Variants in GTF2F2 observed in about 807,000 individuals in gnomAD.
GTF2F2 encodes general transcription factor IIF subunit 2, also known as ATP-dependent helicase GTF2F2.
A neutral mutation model predicts 42.2 loss-of-function variants in GTF2F2; 23 were observed. That is an observed-to-expected ratio of 0.55 (90% CI 0.39 to 0.77). The LOEUF is 0.77. GTF2F2 is among the 30% of genes least tolerant of loss of function. The pLI is 0.00. For missense variants in GTF2F2, 261 were observed against 287.2 expected, an observed-to-expected ratio of 0.91 and a Z score of 0.66; for synonymous variants, 105 against 100.8, an observed-to-expected ratio of 1.04 and a Z score of -0.25.
chr13:45,120,768 A>G (rs779086896), intron 1 of GTF2F2, 47 bp downstream of exon 1: 17 of 1,376,466 alleles, frequency 1.2e-5, no homozygotes, highest in Middle Eastern at 3.5e-4. Context: ...ACACAAGTAT[A>G]GTTTAAGTAA....
At chr13:45,246,995 C>A (rs1046151929) in intron 5 of GTF2F2, among the ~76,000 whole-genome samples, 1 of 148,734 alleles carries the variant, frequency 6.7e-6, no homozygotes, top group East Asian at 2.0e-4. Flanking sequence ...CCGAGATAAG[C>A]GCCACTGCAC....
At chr13:45,194,072 A>T (rs756788877) in intron 4 of GTF2F2, 4 of 1,614,002 alleles carry the variant, frequency 2.5e-6, no homozygotes, top group African/African-American at 2.7e-5. Flanking sequence ...TTTATTTTTG[A>T]TATGAAATCA....
chr13:45,141,397 A>G (rs1404455376), intron 2 of GTF2F2, among the ~76,000 whole-genome samples: 1 of 152,186 alleles, frequency 6.6e-6, no homozygotes, highest in Non-Finnish European at 1.5e-5. Context: ...TAATCCACAT[A>G]GGGTGGCTAA....
At position 45,193,782 on chromosome 13, in the gene GTF2F2, A is replaced by G. The variant is rs1260489312; in HGVS notation, c.305-13642A>G. ...TGCTTGTTGCCTTTGTTCGTGACACAGGTAATTACTTGATAAAATGAAGTG... is the reference window on the plus strand; with the variant it reads ...TGCTTGTTGCCTTTGTTCGTGACACGGGTAATTACTTGATAAAATGAAGTG... On this transcript the variant is annotated intron_variant, in intron 4 of 7. Transcript: ENST00000340473. The G allele has an allele frequency of 4.5e-6, 7 of 1,562,980 alleles. No homozygotes were observed. In the African/African-American group the frequency reaches 5.5e-5, roughly 12 times the overall value.
intron 1 of GTF2F2, among the ~76,000 whole-genome samples, chr13:45,134,837 T>C (rs997189783): frequency 6.6e-6 from 1 of 152,144 alleles, no homozygotes; most frequent in Non-Finnish European, 1.5e-5. Context: ...CCTCTGAACC[T>C]CAGTTTTCTC....
At chr13:45,221,441 A>T (rs1874111508) in intron 5 of GTF2F2, among the ~76,000 whole-genome samples, 1 of 152,156 alleles carries the variant, frequency 6.6e-6, no homozygotes, top group African/African-American at 2.4e-5. Flanking sequence ...AAATTTCAAA[A>T]AGACCACTGA....
At chr13:45,123,665 C>T (rs1868807081) in intron 1 of GTF2F2, among the ~76,000 whole-genome samples, 1 of 150,690 alleles carries the variant, frequency 6.6e-6, no homozygotes, top group Admixed American at 6.6e-5. Context: ...AACCTACGGG[C>T]AGGACTGGGG....
At chr13:45,157,828 C>T (rs1427174613) in intron 4 of GTF2F2, among the ~76,000 whole-genome samples, 1 of 152,108 alleles carries the variant, frequency 6.6e-6, no homozygotes, top group East Asian at 1.9e-4. Flanking sequence ...AAGCTGTCCA[C>T]CTGCCTCGGC....
At chr13:45,194,482 T>C (rs1872791666) in intron 4 of GTF2F2, 1 of 1,614,060 alleles carries the variant, frequency 6.2e-7, no homozygotes, top group African/African-American at 1.3e-5. Context: ...GGATTTGCAG[T>C]TCTTTCCTTG....
chr13:45,162,370 A>G (rs1266044168), intron 4 of GTF2F2, among the ~76,000 whole-genome samples: 1 of 152,208 alleles, frequency 6.6e-6, no homozygotes. Context: ...TACTCCTTTG[A>G]GTAACAGCCT....
rs1264204159 is a variant in GTF2F2 at position 45,241,576 on chromosome 13, A to G, written c.387-11295A>G. ...ATTTATTTTTAATTAATTTAAATAG[A>G]CACGGCTAGTGGCTACCATATTGGA... On this transcript the variant is annotated intron_variant, in intron 5 of 7. Coordinates refer to ENST00000340473, the MANE Select transcript of GTF2F2 (RefSeq NM_004128.3). 5.3e-5 allele frequency among the ~76,000 whole-genome samples: 7 copies of G among 131,140 alleles called. 1 individual carries two copies. In the South Asian group the frequency reaches 1.5e-3, roughly 28 times the overall value. The allele number at this position is 131,140 out of a possible 152,430, so 86.0% of individuals were successfully genotyped here. A position where few individuals can be genotyped will look rare whatever the true frequency, so the allele number is the denominator to read the frequency against.
intron 1 of GTF2F2, among the ~76,000 whole-genome samples, chr13:45,129,489 C>T (rs904765816): frequency 3.3e-5 from 5 of 152,048 alleles, no homozygotes; most frequent in East Asian, 1.9e-4. Flanking sequence ...GGATTACAGG[C>T]GTGAGCCACC....
intron 7 of GTF2F2, among the ~76,000 whole-genome samples, chr13:45,275,549 G>A (rs968248412): frequency 8.1e-5 from 12 of 148,102 alleles, no homozygotes; most frequent in African/African-American, 2.0e-4. Flanking sequence ...GAGAACATGC[G>A]GTATTTGGTT....
chr13:45,142,766 T>C (rs767592572), intron 2 of GTF2F2, among the ~76,000 whole-genome samples: 30 of 152,252 alleles, frequency 2.0e-4, no homozygotes, highest in Non-Finnish European at 4.1e-4. Context: ...CTAATTTACT[T>C]AGTTTTCATT....
chr13:45,134,065 G>C (rs1337956298), intron 1 of GTF2F2, among the ~76,000 whole-genome samples: 1 of 152,200 alleles, frequency 6.6e-6, no homozygotes, highest in Non-Finnish European at 1.5e-5. Flanking sequence ...GAAGTTCATA[G>C]GATATCCAGC....
chr13:45,193,560 A>C (rs1872738923), intron 4 of GTF2F2: 1 of 481,770 alleles, frequency 2.1e-6, no homozygotes, highest in Non-Finnish European at 3.6e-6. Flanking sequence ...AGTATATAGA[A>C]GGTTACTGTT....
At chr13:45,149,703 C>CT in intron 2 of GTF2F2, 67 bp from the exon 3 acceptor site, 1 of 1,402,512 alleles carries the variant, frequency 7.1e-7, no homozygotes, top group South Asian at 1.4e-5. Context: ...TTTTTAAGCT[C>CT]TTAACTCACA....
At chr13:45,158,944 G>A (rs1280545630) in intron 4 of GTF2F2, among the ~76,000 whole-genome samples, 1 of 152,208 alleles carries the variant, frequency 6.6e-6, no homozygotes, top group Non-Finnish European at 1.5e-5. Context: ...TCTCCCTTCA[G>A]ATATTCTTGA....
chr13:45,163,361 C>A (rs893682801), intron 4 of GTF2F2, among the ~76,000 whole-genome samples: 1 of 151,782 alleles, frequency 6.6e-6, no homozygotes, highest in African/African-American at 2.4e-5. Flanking sequence ...ATGGTGATTC[C>A]CCATCTCTAC....
Sources: allele counts gnomAD v4.1 joint callset (sites outside exome capture counted in the v4.1 genomes callset), GRCh38; gene constraint gnomAD v4.1.1; transcripts MANE v1.5; gene names NCBI Gene and HGNC (gene_info 2026-07-23, HGNC 2026-07-21).